DPY19L4: variants seen among roughly 807,000 people sequenced by gnomAD.
The protein encoded by DPY19L4 is dpy-19 like 4.
In DPY19L4, 97 loss-of-function variants were observed where a neutral mutation model predicts 102.8. The ratio of observed to expected loss-of-function variants is 0.94; its 90% CI spans 0.80 to 1.12. The LOEUF is 1.12. Among genes scored for constraint, DPY19L4 ranks in the 50% most tolerant of loss-of-function variants. DPY19L4 has a pLI of 0.00. For synonymous variants in DPY19L4, 252 were observed against 283.1 expected (o/e 0.89, Z 1.10); for missense variants, 815 against 850.4 (o/e 0.96, Z 0.52).
intron 8 of DPY19L4, among the ~76,000 whole-genome samples, chr8:94,762,071 G>A (rs1812416433): frequency 6.6e-6 from 1 of 152,206 alleles, no homozygotes; most frequent in African/African-American, 2.4e-5. Flanking sequence ...CGCAACTGCA[G>A]AAAGCAGTTA....
rs756733065 is a variant in DPY19L4, at chr8:94,789,862, A to C, written c.2124A>C (p.Arg708Ser). The change falls in exon 19 of 19, where the codon AGA (arginine) becomes AGC (serine). Residue 708 changes from arginine to serine, a missense_variant. Coordinates refer to ENST00000414645, the MANE Select transcript of DPY19L4 (RefSeq NM_181787.3). ...VNYFTRVYWN[R>S]SYFVYKINTV... ...ATTTCACTAGAGTATACTGGAACAG[A>C]TCCTACTTTGTATATAAAATCAACA... 3.7e-6 allele frequency: 6 copies of C among 1,607,740 alleles called. No individual in the cohort carries two copies. The highest frequency in any genetic ancestry group is 5.1e-6 in the Non-Finnish European group (6 of 1,178,280).
At chr8:94,755,758 G>A (rs938192798) in intron 6 of DPY19L4, among the ~76,000 whole-genome samples, 4 of 152,198 alleles carry the variant, frequency 2.6e-5, no homozygotes, top group African/African-American at 4.8e-5. Context: ...GGTGACGCGC[G>A]CCTGTAATCC....
intron 18 of DPY19L4, among the ~76,000 whole-genome samples, chr8:94,788,644 C>T (rs1054945495): frequency 1.1e-4 from 9 of 79,330 alleles, no homozygotes; most frequent in Non-Finnish European, 1.8e-4. Flanking sequence ...CTGACGCACG[C>T]GCGCGCGCAT....
chr8:94,789,816 A>G lies in DPY19L4; in HGVS notation c.2078A>G (p.Asn693Ser), dbSNP rs754731670. Residue 693 changes from asparagine to serine, a missense_variant, in exon 19 of 19, where the codon AAC becomes AGC. Physicochemically the swap from Asn to Ser is conservative, Grantham distance 46. Transcript: ENST00000414645. ...YGRFCHEVKI[N>S]YSPYVNYFTR... is the part of the protein sequence containing the mutation. Reference sequence around the variant, plus strand: ...CGATTTTGTCATGAGGTCAAAATTAACTATTCTCCATATGTGAATTATTTC... The same window carrying G: ...CGATTTTGTCATGAGGTCAAAATTAGCTATTCTCCATATGTGAATTATTTC... The G allele has an allele frequency of 8.7e-6, 14 of 1,611,990 alleles. No individual in the cohort carries two copies. The highest frequency in any genetic ancestry group is 6.8e-6 in the Non-Finnish European group (8 of 1,179,146).
chr8:94,720,633 A>G (rs908441093), intron 1 of DPY19L4, among the ~76,000 whole-genome samples: 5 of 152,206 alleles, frequency 3.3e-5, no homozygotes, highest in African/African-American at 7.2e-5. Context: ...TTGAGGGTCA[A>G]AGTGGGTGAG....
At chr8:94,746,429 T>C in intron 6 of DPY19L4, among the ~76,000 whole-genome samples, 1 of 152,298 alleles carries the variant, frequency 6.6e-6, no homozygotes, top group South Asian at 2.1e-4. Flanking sequence ...TGTAATAATA[T>C]AAAAAATCAG....
intron 6 of DPY19L4, among the ~76,000 whole-genome samples, chr8:94,745,837 C>T (rs916206195): frequency 6.6e-6 from 1 of 152,170 alleles, no homozygotes; most frequent in Non-Finnish European, 1.5e-5. Flanking sequence ...TTACCGCAAC[C>T]TCTGCCTCCC....
At position 94,777,787 on chromosome 8, in the gene DPY19L4, G is replaced by A; in HGVS notation, c.1575+1G>A. On this transcript the variant is annotated splice_donor_variant, in intron 14 of 18. Transcript: ENST00000414645. LOFTEE classifies it high-confidence loss of function. ...AAGAACTGTACACCCAATATTGTTGGTGAGTCATTATTTTGCATTGTTTCT... is the reference window on the plus strand; with the variant it reads ...AAGAACTGTACACCCAATATTGTTGATGAGTCATTATTTTGCATTGTTTCT... The A allele has an allele frequency of 6.2e-7, 1 of 1,604,744 alleles. No individual in the cohort carries two copies. Among genetic ancestry groups the A allele is most frequent in the South Asian group, 1.1e-5 (1 of 89,048 alleles).
In DPY19L4 at chr8:94,781,130, ATGAC is replaced by A. The variant is rs1813414888; in HGVS notation, c.1680_1683del (p.Asp561GlnfsTer7). The A allele has an allele frequency of 6.3e-7, 1 of 1,589,742 alleles. No individual in the cohort carries two copies. Among genetic ancestry groups the A allele is most frequent in the East Asian group, 2.3e-5 (1 of 44,156 alleles). On this transcript the variant is annotated frameshift_variant, in exon 16 of 19. Coordinates refer to ENST00000414645, the MANE Select transcript of DPY19L4 (RefSeq NM_181787.3). LOFTEE classifies it high-confidence loss of function. ...GAATTAATGGAACTACAGGAATTCT[ATGAC>A]CCAGATACAGTGGAACTTATGACCT...
chr8:94,720,565 T>C (rs2130771508), intron 1 of DPY19L4, among the ~76,000 whole-genome samples: 1 of 152,172 alleles, frequency 6.6e-6, no homozygotes, highest in East Asian at 1.9e-4. Flanking sequence ...GGGAAAATGG[T>C]AAAGAGCAGA....
At chr8:94,759,938 T>C (rs1812331483) in intron 7 of DPY19L4, among the ~76,000 whole-genome samples, 1 of 152,156 alleles carries the variant, frequency 6.6e-6, no homozygotes, top group African/African-American at 2.4e-5. Context: ...TTCAGAAACA[T>C]TTGTGGTTGA....
chr8:94,783,647 C>T (rs895713746), intron 16 of DPY19L4, 23 bp from the exon 17 acceptor site: 9 of 1,610,616 alleles, frequency 5.6e-6, no homozygotes, highest in African/African-American at 1.3e-5. Flanking sequence ...TTTCAGTGTG[C>T]AAATCTTTAT....
At chr8:94,766,433 A>G (rs1812676413) in intron 10 of DPY19L4, among the ~76,000 whole-genome samples, 179 bp from the exon 11 acceptor site, 1 of 152,230 alleles carries the variant, frequency 6.6e-6, no homozygotes. Context: ...GCTTCAGCAT[A>G]AGGTCATGGG....
chr8:94,737,108 A>G (rs1811218971), intron 3 of DPY19L4, among the ~76,000 whole-genome samples: 1 of 152,242 alleles, frequency 6.6e-6, no homozygotes, highest in African/African-American at 2.4e-5. Context: ...ATGTCTTTGA[A>G]TAAAAAGGAT....
chr8:94,739,919 A>G, intron 6 of DPY19L4, 129 bp downstream of exon 6: 1 of 1,133,610 alleles, frequency 8.8e-7, no homozygotes, highest in Non-Finnish European at 1.3e-6. Flanking sequence ...ATGAGATGCC[A>G]TTCCCATGAT....
At chr8:94,769,974 A>G (rs1474695350) in intron 12 of DPY19L4, among the ~76,000 whole-genome samples, 2 of 148,332 alleles carry the variant, frequency 1.3e-5, no homozygotes, top group Non-Finnish European at 1.5e-5. Flanking sequence ...TGCAACCTCT[A>G]CCTCCCAGGT....
intron 18 of DPY19L4, among the ~76,000 whole-genome samples, chr8:94,788,811 C>T (rs1813772479): frequency 6.6e-6 from 1 of 152,182 alleles, no homozygotes; most frequent in African/African-American, 2.4e-5. Flanking sequence ...AGTAGATATA[C>T]TATTCAGGTT....
intron 12 of DPY19L4, among the ~76,000 whole-genome samples, chr8:94,769,289 G>A (rs893232194): frequency 1.6e-4 from 24 of 151,788 alleles, no homozygotes; most frequent in African/African-American, 4.4e-4. Context: ...TCAAACTCCC[G>A]ACCTCAAGGT....
At position 94,787,960 on chromosome 8, in the gene DPY19L4, A is replaced by G; in HGVS notation, c.1915A>G (p.Asn639Asp). ...IYKILTSYKA[N>D]YLIVEDAICN... is the part of the protein sequence containing the mutation. Reference sequence around the variant, plus strand: ...TAAAATACTGACATCTTACAAAGCTAATTACCTAATTGTAGAGGATGCTAT... The same window carrying G: ...TAAAATACTGACATCTTACAAAGCTGATTACCTAATTGTAGAGGATGCTAT... Residue 639 changes from asparagine (N) to aspartate (D), a missense_variant, in exon 18 of 19, where the codon AAT (asparagine) becomes GAT (aspartate). By Grantham distance (23) the Asn-to-Asp change is conservative. Transcript: ENST00000414645. 6.6e-7 allele frequency: 1 copy of G among 1,519,376 alleles called. No homozygotes were observed. Among genetic ancestry groups the G allele is most frequent in the Non-Finnish European group, 8.8e-7 (1 of 1,133,320 alleles). 94.1% of individuals were successfully genotyped at this position (1,519,376 alleles called of 1,614,324 possible).
Sources: allele counts gnomAD v4.1 joint callset (sites outside exome capture counted in the v4.1 genomes callset), GRCh38; gene constraint gnomAD v4.1.1; transcripts MANE v1.5; gene names NCBI Gene and HGNC (gene_info 2026-07-23, HGNC 2026-07-21).